FNBP4: variants seen among roughly 807,000 people sequenced by gnomAD.
FNBP4 encodes the protein formin binding protein 4.
Under a neutral mutation model 119.3 loss-of-function variants are expected in FNBP4, and 34 were observed. The ratio of observed to expected loss-of-function variants is 0.28; its 90% CI spans 0.22 to 0.38. The LOEUF (loss-of-function observed/expected upper bound fraction) is 0.38. Among genes scored for constraint, FNBP4 ranks in the 10% least tolerant of loss-of-function variants. The pLI is 1.00. For synonymous variants in FNBP4, 462 were observed against 430.6 expected, an observed-to-expected ratio of 1.07 and a Z score of -0.90; for missense variants, 1,112 against 1,228.9, an observed-to-expected ratio of 0.90 and a Z score of 1.42.
rs59583797 is a variant in FNBP4 at position 47,750,381 on chromosome 11, CAAAAAAAAAA to C, written c.906+525_906+534del. On this transcript the variant is annotated intron_variant, in intron 6 of 16. Coordinates refer to ENST00000263773, the MANE Select transcript of FNBP4 (RefSeq NM_015308.5). ...TGGGCAACAGAGCGAGACTCCATAT[CAAAAAAAAAA>C]AAAAAAAAAAAAAAAAGGCCAGATG... 1.6e-3 allele frequency among the ~76,000 whole-genome samples: 40 copies of C among 24,754 alleles called. 1 individual carries two copies. The highest frequency in any genetic ancestry group is 2.4e-3 in the Non-Finnish European group (38 of 15,944). 16.2% of individuals were successfully genotyped at this position (24,754 alleles called of 152,430 possible).
chr11:47,725,668 C>T, intron 12 of FNBP4: 7 of 538,406 alleles, frequency 1.3e-5, no homozygotes, highest in Non-Finnish European at 1.7e-5. Context: ...TTGTAAAAGC[C>T]ATCATTGATT....
At chr11:47,729,230 T>G in intron 12 of FNBP4, 3 of 985,360 alleles carry the variant, frequency 3.0e-6, no homozygotes, top group Middle Eastern at 5.2e-4. Flanking sequence ...GTATTTTGAA[T>G]GAAGAGCTCA....
At chr11:47,743,461 T>C (rs187884991) in intron 8 of FNBP4, among the ~76,000 whole-genome samples, 372 of 152,014 alleles carry the variant, frequency 2.4e-3, no homozygotes, top group Middle Eastern at 0.014. Flanking sequence ...CCAGCCTGGG[T>C]GACAGAGTGA....
intron 4 of FNBP4, among the ~76,000 whole-genome samples, chr11:47,751,496 C>A (rs1012527359): frequency 2.0e-5 from 3 of 151,968 alleles, no homozygotes; most frequent in African/African-American, 7.3e-5. Context: ...GCACTCCCAT[C>A]CACCCTGCCT....
rs1009890878 is a variant in FNBP4 at position 47,744,278 on chromosome 11, CTT to C, written c.1246-117_1246-116del. The C allele has an allele frequency of 1.3e-3, 981 of 772,464 alleles. 1 individual carries two copies. Among genetic ancestry groups the C allele is most frequent in the Middle Eastern group, 2.0e-3 (6 of 3,054 alleles). The allele number at this position is 772,464 out of a possible 1,614,324, so 47.9% of individuals were successfully genotyped here. On this transcript the variant is annotated intron_variant, in intron 7 of 16. Coordinates refer to ENST00000263773, the MANE Select transcript of FNBP4 (RefSeq NM_015308.5). ...TTAAATTCTTTGAGAACAGAAAGCA[CTT>C]TTTTTTTTTTGGAGACAGGCTCTCC...
Position 47,733,135 on chromosome 11 carries a change from A to T in FNBP4, c.1687-465T>A, listed in dbSNP as rs541936554. Among the ~76,000 whole-genome samples the T allele has an allele frequency of 9.8e-5, 15 of 152,318 alleles. No individual in the cohort carries two copies. The East Asian group carries it at 1.7e-3, about 18-fold the overall frequency. On this transcript the variant is annotated intron_variant, in intron 10 of 16. Transcript: ENST00000263773. Reference sequence around the variant, plus strand: ...CTCCGTCTCAAAAAACATCCCAAGTACGCAGCAGAGTTCTGAAAAATGAAA... The same window carrying T: ...CTCCGTCTCAAAAAACATCCCAAGTTCGCAGCAGAGTTCTGAAAAATGAAA...
rs553041077 is a variant in FNBP4, at chr11:47,754,521, C to A, written c.450+7G>T. ...TAACTAAAACTCCAAACGAAAGCAC[C>A]ACTAACCGCTAGGAAGTTGGCCAAT... On this transcript the variant is annotated splice_region_variant and intron_variant, in intron 3 of 16. Transcript: ENST00000263773. The A allele has an allele frequency of 6.2e-6, 10 of 1,612,576 alleles. 1 individual carries two copies. The African/African-American group carries it at 1.3e-4, about 22-fold the overall frequency.
chr11:47,753,225 A>G, intron 3 of FNBP4, 123 bp from the exon 4 acceptor site: 1 of 680,636 alleles, frequency 1.5e-6, no homozygotes, highest in Non-Finnish European at 2.3e-6. Flanking sequence ...CTACAGTTCC[A>G]GCACTTTGGG....
intron 8 of FNBP4, 93 bp from the exon 9 acceptor site, chr11:47,736,833 A>G (rs2097574825): frequency 8.8e-7 from 1 of 1,135,194 alleles, no homozygotes; most frequent in Admixed American, 2.5e-5. Context: ...GCAAAAGATT[A>G]TTAGTTCTTT....
In FNBP4 at chr11:47,733,978, T is replaced by TGTAAG. The variant is rs761157103; in HGVS notation, c.1686+46_1686+47insCTTAC. ...ATCGTTAACACATACAGCATTTCAT[T>TGTAAG]CAAACACTTAACTGTTTATGCCAAA... On this transcript the variant is annotated intron_variant, in intron 10 of 16. Coordinates refer to ENST00000263773, the MANE Select transcript of FNBP4 (RefSeq NM_015308.5). 3 of 963,958 alleles carry TGTAAG rather than the reference T, an allele frequency of 3.1e-6. No individual in the cohort carries two copies. The East Asian group carries it at 7.8e-5, about 25-fold the overall frequency. 59.7% of individuals were successfully genotyped at this position (963,958 alleles called of 1,614,324 possible).
intron 15 of FNBP4, 49 bp from the exon 16 acceptor site, chr11:47,720,135 A>T: frequency 6.5e-7 from 1 of 1,550,356 alleles, no homozygotes; most frequent in Non-Finnish European, 8.7e-7. Context: ...TAAAATAAGG[A>T]TAAGCGTCCT....
At chr11:47,744,781 T>C (rs866777630) in intron 7 of FNBP4, among the ~76,000 whole-genome samples, 1 of 152,228 alleles carries the variant, frequency 6.6e-6, no homozygotes, top group African/African-American at 2.4e-5. Context: ...ACAGTTATTA[T>C]TGACTAGTCA....
chr11:47,739,904 G>A (rs576442397), intron 8 of FNBP4, among the ~76,000 whole-genome samples: 6 of 152,116 alleles, frequency 3.9e-5, no homozygotes, highest in Middle Eastern at 3.4e-3. Context: ...TCAGCCTCCC[G>A]AGTAGCTGGG....
In FNBP4 at chr11:47,746,951, G is replaced by A. The variant is rs572326399; in HGVS notation, c.907-557C>T. Among the ~76,000 whole-genome samples, 77 of 152,202 alleles carry A rather than the reference G, an allele frequency of 5.1e-4. 1 individual carries two copies. The highest frequency in any genetic ancestry group is 1.1e-3 in the Non-Finnish European group (72 of 68,044). Reference sequence around the variant, plus strand: ...GCTATTCTCAGGATGTCAAAAGGCAGACTAGTAGTAAACAGAGATAGATTT... The same window carrying A: ...GCTATTCTCAGGATGTCAAAAGGCAAACTAGTAGTAAACAGAGATAGATTT... On this transcript the variant is annotated intron_variant, in intron 6 of 16. Coordinates refer to ENST00000263773, the MANE Select transcript of FNBP4 (RefSeq NM_015308.5).
intron 2 of FNBP4, among the ~76,000 whole-genome samples, chr11:47,759,258 C>A (rs1490288663): frequency 6.8e-6 from 1 of 147,348 alleles, no homozygotes; most frequent in Non-Finnish European, 1.5e-5. Flanking sequence ...CTTGCCCAGG[C>A]TGGAGTGCAA....
At chr11:47,766,869 C>G (rs938066856) in intron 1 of FNBP4, among the ~76,000 whole-genome samples, 200 bp downstream of exon 1, 1 of 152,090 alleles carries the variant, frequency 6.6e-6, no homozygotes, top group Non-Finnish European at 1.5e-5. Context: ...GCGCCTCGGG[C>G]TTGGCCCGGG....
At chr11:47,761,987 C>T (rs903687526) in intron 2 of FNBP4, among the ~76,000 whole-genome samples, 2 of 151,490 alleles carry the variant, frequency 1.3e-5, no homozygotes, top group African/African-American at 4.9e-5. Context: ...TACAGGCATG[C>T]GCCACCATGC....
chr11:47,738,213 T>C (rs906388579), intron 8 of FNBP4, among the ~76,000 whole-genome samples: 7 of 152,298 alleles, frequency 4.6e-5, no homozygotes, highest in African/African-American at 1.7e-4. Context: ...TCTTTTATCT[T>C]TGCTTTCCAA....
At position 47,746,124 on chromosome 11, in the gene FNBP4, A is replaced by G. The variant is rs748192366; in HGVS notation, c.1177T>C (p.Ser393Pro). 1.9e-6 allele frequency: 3 copies of G among 1,613,456 alleles called. No homozygotes were observed. Among genetic ancestry groups the G allele is most frequent in the Non-Finnish European group, 2.5e-6 (3 of 1,179,956 alleles). ...TCCTCTTCCTCCTCACTTTCTCCAG[A>G]TTGGACAACACTGCAAAGATCCTCC... The part of the protein sequence containing the change: ...SQEDLCSVVQ[S>P]GESEEEEEQD... The change falls in exon 7 of 17, where the codon TCT becomes CCT. Residue 393 changes from serine to proline, a missense_variant. Coordinates refer to ENST00000263773, the MANE Select transcript of FNBP4 (RefSeq NM_015308.5).
Sources: gnomAD v4.1 joint callset for allele counts (sites outside exome capture counted in the v4.1 genomes callset) on GRCh38, gnomAD v4.1.1 for gene constraint, MANE v1.5 for transcripts, NCBI Gene and HGNC (gene_info 2026-07-23, HGNC 2026-07-21) for gene names.